TDRD6: variants seen among roughly 807,000 people sequenced by gnomAD.
The protein encoded by TDRD6 is tudor domain-containing protein 6.
Under a neutral mutation model 157.5 loss-of-function variants are expected in TDRD6, and 186 were observed. That is an observed-to-expected ratio of 1.18 (90% CI 1.05 to 1.33). The LOEUF (loss-of-function observed/expected upper bound fraction) is 1.33. Among genes scored for constraint, TDRD6 ranks in the 40% most tolerant of loss-of-function variants. The pLI is 0.00. For synonymous variants in TDRD6, 1,075 were observed against 945.2 expected (o/e 1.14, Z -2.52); for missense variants, 3,066 against 2,508.0 (o/e 1.22, Z -4.75).
At position 46,693,770 on chromosome 6, in the gene TDRD6, AGT is replaced by A. The variant is rs1248325749; in HGVS notation, c.5647_5648del (p.Val1883HisfsTer17). Reference sequence around the variant, plus strand: ...CCACCGAATGTGCCACTCTCCCAAGAGTGTGTCACAAAAGGCGCCATGGAGCT... The same window carrying A: ...CCACCGAATGTGCCACTCTCCCAAGAGTGTCACAAAAGGCGCCATGGAGCT... On this transcript the variant is annotated frameshift_variant, in exon 1 of 4. Transcript: ENST00000316081. LOFTEE classifies it high-confidence loss of function. 1.2e-6 allele frequency: 2 copies of A among 1,614,198 alleles called. No homozygotes were observed. The highest frequency in any genetic ancestry group is 1.7e-5 in the Admixed American group (1 of 60,020).
intron 2 of TDRD6, among the ~76,000 whole-genome samples, chr6:46,696,581 GTA>G (rs1554181450): frequency 0.061 from 2,121 of 34,870 alleles, 149 homozygotes; most frequent in Non-Finnish European, 0.074. Context: ...GTGTGTGTGT[GTA>G]TATATATATA....
At position 46,690,915 on chromosome 6, in the gene TDRD6, A is replaced by G; in HGVS notation, c.2787A>G (p.Ser929=). The G allele has an allele frequency of 3.1e-6, 5 of 1,614,128 alleles. No homozygotes were observed. Among genetic ancestry groups the G allele is most frequent in the Non-Finnish European group, 8.5e-7 (1 of 1,179,986 alleles). The change falls in exon 1 of 4, where the codon TCA becomes TCG. Residue 929 remains serine, a synonymous_variant. Transcript: ENST00000316081. ...AATGTACAATATTTGCTCTGGCTTC[A>G]ATTAATGAAGAACTGTTTAACATTG... The part of the protein sequence containing the change: ...ELKCTIFALA[S]INEELFNIVD...
chr6:46,697,084 G>A (rs1475926476), intron 2 of TDRD6, among the ~76,000 whole-genome samples: 1 of 152,114 alleles, frequency 6.6e-6, no homozygotes, highest in Non-Finnish European at 1.5e-5. Context: ...CTAGGGTTAA[G>A]TGTTTATGTA....
At position 46,693,314 on chromosome 6, in the gene TDRD6, T is replaced by G; in HGVS notation, c.5186T>G (p.Leu1729Arg). The change falls in exon 1 of 4, where the codon CTT becomes CGT. Residue 1729 changes from leucine to arginine, a missense_variant. Leu to Arg is a moderately radical substitution (Grantham distance 102). Coordinates refer to ENST00000316081, the MANE Select transcript of TDRD6 (RefSeq NM_001010870.3). ...GGGTCCTACAATCTTGATGTAGGAC[T>G]TAAGAAATTAAGTAATAAAGCTGTA... The part of the protein sequence containing the change: ...TLGSYNLDVG[L>R]KKLSNKAVQN... The G allele has an allele frequency of 6.2e-7, 1 of 1,605,372 alleles. No homozygotes were observed. Among genetic ancestry groups the G allele is most frequent in the Non-Finnish European group, 8.5e-7 (1 of 1,177,784 alleles).
At chr6:46,682,576 A>G in the TDRD6 span, among the ~76,000 whole-genome samples, 1 of 151,912 alleles carries the variant, frequency 6.6e-6, no homozygotes, top group Non-Finnish European at 1.5e-5. Context: ...AATTACATAT[A>G]TAAAAAAAAT....
rs2032752 is a variant in TDRD6, at chr6:46,700,901, T to C, written c.6262-957T>C. On this transcript the variant is annotated intron_variant, in intron 3 of 3. Transcript: ENST00000316081. ...TTTGATAGAAATACATTTTGTTGTT[T>C]ACATCTTTTCTGGCTTATCTGTGGT... 6.1e-5 allele frequency: 19 copies of C among 310,142 alleles called. 1 individual carries two copies. Among genetic ancestry groups the C allele is most frequent in the Non-Finnish European group, 5.3e-5 (8 of 150,176 alleles). The allele number at this position is 310,142 out of a possible 1,614,324, so 19.2% of individuals were successfully genotyped here.
At position 46,702,519 on chromosome 6, in the gene TDRD6, A is replaced by G. The variant is rs553989959; in HGVS notation, c.*632A>G. 6.6e-6 allele frequency: 1 copy of G among 152,290 alleles called. No homozygotes were observed. Among genetic ancestry groups the G allele is most frequent in the South Asian group, 2.1e-4 (1 of 4,824 alleles). 9.4% of individuals were successfully genotyped at this position (152,290 alleles called of 1,614,324 possible). A position where few individuals can be genotyped will look rare whatever the true frequency, so the allele number is the denominator to read the frequency against. On this transcript the variant is annotated 3_prime_UTR_variant, in exon 4 of 4. Transcript: ENST00000316081. ...TGTAATGGAGGATTGGGGAAAGCAT[A>G]GTAATATTAAATGTTAGCTCTTATG...
rs1280749662 is a variant in TDRD6 at position 46,691,718 on chromosome 6, A to G, written c.3590A>G (p.Lys1197Arg). ...MKLPCTEYLSKSVGYKLPNKE... is the reference protein window; with the variant it reads ...MKLPCTEYLSRSVGYKLPNKE... Reference sequence around the variant, plus strand: ...TTGCCATGTACAGAGTATTTAAGTAAATCAGTAGGGTACAAGTTACCTAAT... The same window carrying G: ...TTGCCATGTACAGAGTATTTAAGTAGATCAGTAGGGTACAAGTTACCTAAT... The change falls in exon 1 of 4, where the codon AAA becomes AGA. Residue 1197 changes from lysine to arginine, a missense_variant. Coordinates refer to ENST00000316081, the MANE Select transcript of TDRD6 (RefSeq NM_001010870.3). 1.2e-6 allele frequency: 2 copies of G among 1,605,372 alleles called. No homozygotes were observed. Among genetic ancestry groups the G allele is most frequent in the Non-Finnish European group, 1.7e-6 (2 of 1,177,756 alleles).
chr6:46,685,463 TA>T (rs1330815715), upstream of TDRD6, among the ~76,000 whole-genome samples: 1 of 152,150 alleles, frequency 6.6e-6, no homozygotes, highest in East Asian at 1.9e-4. Context: ...ATCGTTTCCA[TA>T]AAAAATATTG....
Position 46,689,965 on chromosome 6 carries a change from A to C in TDRD6, c.1837A>C (p.Ser613Arg). The change falls in exon 1 of 4, where the codon AGC becomes CGC. Residue 613 changes from serine to arginine, a missense_variant. Physicochemically the swap from Ser to Arg is moderately radical, Grantham distance 110. Transcript: ENST00000316081. Reference sequence around the variant, plus strand: ...TATTTGGCCTTTGGGAAAAACTTGGAGCCAGGAGGCAGTTTCCTTTTTTAA... The same window carrying C: ...TATTTGGCCTTTGGGAAAAACTTGGCGCCAGGAGGCAGTTTCCTTTTTTAA... ...ADIWPLGKTW[S>R]QEAVSFFKKT... 1 of 1,613,862 alleles carries C rather than the reference A, an allele frequency of 6.2e-7. No individual in the cohort carries two copies. Among genetic ancestry groups the C allele is most frequent in the Non-Finnish European group, 8.5e-7 (1 of 1,179,850 alleles).
chr6:46,696,402 C>T (rs1274079960), intron 2 of TDRD6, among the ~76,000 whole-genome samples: 3 of 147,656 alleles, frequency 2.0e-5, no homozygotes, highest in East Asian at 3.9e-4. Flanking sequence ...GCCTGTTGAT[C>T]GTGTTTCTCC....
intron 2 of TDRD6, among the ~76,000 whole-genome samples, chr6:46,697,749 A>G (rs1412992567): frequency 1.3e-5 from 2 of 152,168 alleles, no homozygotes; most frequent in Non-Finnish European, 2.9e-5. Flanking sequence ...TTAGCTGGGC[A>G]TGGTGGTGTG....
intron 3 of TDRD6, 87 bp from the exon 4 acceptor site, chr6:46,701,771 A>T: frequency 7.5e-7 from 1 of 1,327,970 alleles, no homozygotes. Flanking sequence ...AGAGAACATT[A>T]CATTTGTCAT....
intron 3 of TDRD6, chr6:46,700,961 TAAAG>T (rs1375484129): frequency 5.1e-6 from 2 of 390,604 alleles, no homozygotes; most frequent in Non-Finnish European, 1.0e-5. Flanking sequence ...GTACTCGTGA[TAAAG>T]AATCAATAGC....
chr6:46,692,802 A>G lies in TDRD6; in HGVS notation c.4674A>G (p.Val1558=), dbSNP rs1319401229. ...EVEVQTAGEQ[V]ADRRNCIPCP... ...AAGTACAGACTGCTGGAGAACAGGT[A>G]GCAGACAGGAGAAATTGTATCCCAT... The change falls in exon 1 of 4, where the codon GTA becomes GTG. Residue 1558 remains valine, a synonymous_variant. Coordinates refer to ENST00000316081, the MANE Select transcript of TDRD6 (RefSeq NM_001010870.3). 1.2e-6 allele frequency: 2 copies of G among 1,614,134 alleles called. No homozygotes were observed.
intron 1 of TDRD6, among the ~76,000 whole-genome samples, chr6:46,695,523 C>A (rs1341231269): frequency 6.6e-6 from 1 of 151,970 alleles, no homozygotes; most frequent in Non-Finnish European, 1.5e-5. Context: ...TAAAAAACAC[C>A]ACTTGTCTTA....
chr6:46,693,157 A>G lies in TDRD6; in HGVS notation c.5029A>G (p.Ile1677Val). Residue 1677 changes from isoleucine (I) to valine (V), a missense_variant, in exon 1 of 4, where the codon ATC (isoleucine) becomes GTC (valine). Ile to Val is a conservative substitution (Grantham distance 29). Coordinates refer to ENST00000316081, the MANE Select transcript of TDRD6 (RefSeq NM_001010870.3). ...AGAAATCAGAAGGGATGTTTGTGAT[A>G]TCCCTTTAGCAATTGTTGACTTGAA... ...ILEIRRDVCD[I>V]PLAIVDLKSK... 7 of 1,610,708 alleles carry G rather than the reference A, an allele frequency of 4.3e-6. No individual in the cohort carries two copies. Among genetic ancestry groups the G allele is most frequent in the Non-Finnish European group, 5.9e-6 (7 of 1,178,688 alleles).
Position 46,689,964 on chromosome 6 carries a change from G to A in TDRD6, c.1836G>A (p.Trp612Ter), listed in dbSNP as rs1186049976. ...ATATTTGGCCTTTGGGAAAAACTTGGAGCCAGGAGGCAGTTTCCTTTTTTA... is the reference window on the plus strand; with the variant it reads ...ATATTTGGCCTTTGGGAAAAACTTGAAGCCAGGAGGCAGTTTCCTTTTTTA... ...LADIWPLGKTWSQEAVSFFKK... is the reference protein window; with the variant it reads ...LADIWPLGKT The change falls in exon 1 of 4, where the codon TGG becomes TGA. Residue 612 changes from tryptophan (W) to a stop codon, truncating the protein, a stop_gained. Transcript: ENST00000316081. LOFTEE classifies it high-confidence loss of function. 6.2e-7 allele frequency: 1 copy of A among 1,613,824 alleles called. No individual in the cohort carries two copies. The highest frequency in any genetic ancestry group is 8.5e-7 in the Non-Finnish European group (1 of 1,179,866).
Position 46,688,221 on chromosome 6 carries a change from G to T in TDRD6, c.93G>T (p.Gln31His). ...VDVHPDVIPV[Q>H]LWGLVGERRG... ...TGCATCCCGATGTGATCCCGGTGCAGCTGTGGGGGCTGGTGGGCGAGCGGC... is the reference window on the plus strand; with the variant it reads ...TGCATCCCGATGTGATCCCGGTGCATCTGTGGGGGCTGGTGGGCGAGCGGC... The change falls in exon 1 of 4, where the codon CAG (glutamine) becomes CAT (histidine). Residue 31 changes from glutamine to histidine, a missense_variant. Gln to His is a conservative substitution (Grantham distance 24, BLOSUM62 0). Transcript: ENST00000316081. 1 of 1,535,008 alleles carries T rather than the reference G, an allele frequency of 6.5e-7. No homozygotes were observed. The highest frequency in any genetic ancestry group is 2.0e-5 in the Admixed American group (1 of 49,628).
Sources: allele counts gnomAD v4.1 joint callset (sites outside exome capture counted in the v4.1 genomes callset), GRCh38; gene constraint gnomAD v4.1.1; transcripts MANE v1.5; gene names NCBI Gene and HGNC (gene_info 2026-07-23, HGNC 2026-07-21).